PKIB: variants seen among roughly 807,000 people sequenced by gnomAD.
The protein encoded by PKIB is PKI-beta.
Under a neutral mutation model 4.5 loss-of-function variants are expected in PKIB, and 2 were observed. The observed-to-expected ratio is 0.44, with a 90% CI of 0.18 to 1.39. The LOEUF is 1.39. Ranked by LOEUF, PKIB falls within the 40% of genes most tolerant of loss-of-function variation. PKIB has a pLI of 0.27. For missense variants in PKIB, 94 were observed against 92.6 expected (o/e 1.02, Z -0.06); for synonymous variants, 38 against 36.0 (o/e 1.06, Z -0.20).
At chr6:122,481,029 A>T (rs1775596777) in intron 2 of PKIB, 1 of 152,206 alleles carries the variant, frequency 6.6e-6, no homozygotes, top group Admixed American at 6.5e-5. Flanking sequence ...AATCAAGCCC[A>T]TGATTATATA....
At chr6:122,529,104 CTG>C (rs1777178178) in intron 2 of PKIB, among the ~76,000 whole-genome samples, 1 of 152,110 alleles carries the variant, frequency 6.6e-6, no homozygotes, top group Admixed American at 6.6e-5. Flanking sequence ...ATTTTGTTAA[CTG>C]TTGTTTGTAT....
chr6:122,501,481 G>C (rs778256509), intron 2 of PKIB, among the ~76,000 whole-genome samples: 6 of 152,132 alleles, frequency 3.9e-5, no homozygotes, highest in Non-Finnish European at 8.8e-5. Context: ...CTTTCCTTCT[G>C]TGCACCCTCA....
chr6:122,593,857 A>C (rs546042393), intron 3 of PKIB, among the ~76,000 whole-genome samples: 45 of 152,294 alleles, frequency 3.0e-4, no homozygotes, highest in African/African-American at 1.1e-3. Context: ...TGCCTTCCCA[A>C]GCCCACTGAC....
At chr6:122,637,338 C>T (rs1224871933) in intron 2 of PKIB, among the ~76,000 whole-genome samples, 2 of 152,066 alleles carry the variant, frequency 1.3e-5, no homozygotes, top group Non-Finnish European at 2.9e-5. Flanking sequence ...CAATATATTA[C>T]TGTTTGATGG....
intron 1 of PKIB, among the ~76,000 whole-genome samples, chr6:122,475,506 C>A (rs897051153): frequency 2.0e-5 from 3 of 152,028 alleles, no homozygotes; most frequent in African/African-American, 7.2e-5. Flanking sequence ...TAAAAATAGG[C>A]CGGGTGTGGT....
At chr6:122,666,662 T>A (rs1244404069) in intron 2 of PKIB, among the ~76,000 whole-genome samples, 1 of 152,054 alleles carries the variant, frequency 6.6e-6, no homozygotes, top group African/African-American at 2.4e-5. Flanking sequence ...AGGTAGGGAG[T>A]GAACATCTGG....
At chr6:122,552,184 T>G (rs892388225) in intron 2 of PKIB, among the ~76,000 whole-genome samples, 5 of 152,162 alleles carry the variant, frequency 3.3e-5, no homozygotes, top group South Asian at 2.1e-4. Flanking sequence ...GAAGAGGCTT[T>G]CTTTCTTGGT....
chr6:122,723,299 C>T (rs1248344640), intron 4 of PKIB, among the ~76,000 whole-genome samples: 2 of 152,096 alleles, frequency 1.3e-5, no homozygotes, highest in East Asian at 3.9e-4. Context: ...GCCTAATTGG[C>T]GTCTCCGCTT....
chr6:122,693,554 G>T (rs1778435579), intron 3 of PKIB, among the ~76,000 whole-genome samples: 1 of 152,198 alleles, frequency 6.6e-6, no homozygotes, highest in Non-Finnish European at 1.5e-5. Context: ...GTTCAGACAT[G>T]CTGCCTAATA....
At chr6:122,646,502 A>G (rs1582772043) in intron 2 of PKIB, among the ~76,000 whole-genome samples, 1 of 152,334 alleles carries the variant, frequency 6.6e-6, no homozygotes, top group East Asian at 1.9e-4. Context: ...AAGCATTCTC[A>G]TGCTTTACAT....
chr6:122,571,280 T>G (rs191447102), intron 2 of PKIB, among the ~76,000 whole-genome samples: 28 of 152,206 alleles, frequency 1.8e-4, no homozygotes, highest in Non-Finnish European at 3.8e-4. Flanking sequence ...TAAGAATAAT[T>G]GATGTTCCTG....
chr6:122,580,389 C>G (rs940783002), intron 2 of PKIB, among the ~76,000 whole-genome samples: 1 of 152,060 alleles, frequency 6.6e-6, no homozygotes, highest in African/African-American at 2.4e-5. Flanking sequence ...TTGTTTTTAT[C>G]TATTATATTA....
chr6:122,494,969 A>T (rs1279731664), intron 2 of PKIB, among the ~76,000 whole-genome samples: 1 of 152,228 alleles, frequency 6.6e-6, no homozygotes, highest in African/African-American at 2.4e-5. Flanking sequence ...GTTTAAGCCC[A>T]TGTGAAGCCC....
intron 3 of PKIB, among the ~76,000 whole-genome samples, chr6:122,685,888 A>G (rs1778074623): frequency 6.6e-6 from 1 of 152,112 alleles, no homozygotes; most frequent in Non-Finnish European, 1.5e-5. Context: ...AGCTCCCACA[A>G]ATAACTGAGA....
chr6:122,548,371 T>TA (rs984366239), intron 2 of PKIB, among the ~76,000 whole-genome samples: 5 of 152,042 alleles, frequency 3.3e-5, no homozygotes, highest in African/African-American at 7.2e-5. Context: ...TCTAAAGCAT[T>TA]AAAAAAAATA....
intron 3 of PKIB, among the ~76,000 whole-genome samples, chr6:122,717,361 A>G (rs1444405432): frequency 6.6e-6 from 1 of 152,158 alleles, no homozygotes; most frequent in African/African-American, 2.4e-5. Flanking sequence ...TTTGGTCTCT[A>G]CAAATTATAG....
chr6:122,710,463 T>G (rs1261597970), intron 3 of PKIB, among the ~76,000 whole-genome samples: 2 of 152,100 alleles, frequency 1.3e-5, no homozygotes, highest in Non-Finnish European at 2.9e-5. Flanking sequence ...GTACTTGGAG[T>G]GTATTTGTGC....
intron 1 of PKIB, among the ~76,000 whole-genome samples, chr6:122,473,747 G>A (rs977359774): frequency 7.2e-5 from 11 of 152,224 alleles, no homozygotes; most frequent in African/African-American, 2.4e-4. Flanking sequence ...GCTATTAGTA[G>A]GAGCACCCAT....
intron 2 of PKIB, among the ~76,000 whole-genome samples, chr6:122,520,274 A>G (rs181065657): frequency 1.3e-5 from 2 of 152,284 alleles, no homozygotes; most frequent in Non-Finnish European, 1.5e-5. Flanking sequence ...GTTAATTGTC[A>G]TATATCTGGC....
Sources: gnomAD v4.1 joint callset for allele counts (sites outside exome capture counted in the v4.1 genomes callset) on GRCh38, gnomAD v4.1.1 for gene constraint, MANE v1.5 for transcripts, NCBI Gene and HGNC (gene_info 2026-07-23, HGNC 2026-07-21) for gene names.